RSF1: variants seen among roughly 807,000 people sequenced by gnomAD.
The protein encoded by RSF1 is remodeling and spacing factor 1, also known as HBV pX-associated protein 8.
RSF1 carries 13 observed loss-of-function variants against 145.2 expected under a neutral mutation model. The ratio of observed to expected loss-of-function variants is 0.09; its 90% confidence interval spans 0.06 to 0.14. RSF1 has a LOEUF of 0.14. Among genes scored for constraint, RSF1 ranks in the 10% least tolerant of loss-of-function variants. The pLI is 1.00. For synonymous variants in RSF1, 577 were observed against 592.6 expected (o/e 0.97, Z 0.38); for missense variants, 1,517 against 1,718.2 (o/e 0.88, Z 2.07).
chr11:77,744,870 G>A (rs377606112), intron 3 of RSF1, among the ~76,000 whole-genome samples: 15 of 152,260 alleles, frequency 9.9e-5, no homozygotes, highest in African/African-American at 3.6e-4. Context: ...CATTGAGAAG[G>A]ACTACTATTA....
chr11:77,806,778 G>C (rs1445323013), intron 1 of RSF1, among the ~76,000 whole-genome samples: 1 of 151,918 alleles, frequency 6.6e-6, no homozygotes. Context: ...AAAATTAAAT[G>C]AGTGAAAAAA....
At chr11:77,703,296 C>T (rs1243305826) in intron 5 of RSF1, 1 of 152,134 alleles carries the variant, frequency 6.6e-6, no homozygotes, top group Non-Finnish European at 1.5e-5. Context: ...TTTTAAGGAG[C>T]ACCTAATACT....
At chr11:77,679,594 GC>G (rs1959802817) in intron 11 of RSF1, among the ~76,000 whole-genome samples, 1 of 151,232 alleles carries the variant, frequency 6.6e-6, no homozygotes, top group Non-Finnish European at 1.5e-5. Flanking sequence ...GATTGCTTGA[GC>G]CCAAGAGGCA....
chr11:77,693,753 T>A, intron 7 of RSF1, 142 bp from the exon 8 acceptor site: 1 of 367,944 alleles, frequency 2.7e-6, no homozygotes, highest in Non-Finnish European at 4.9e-6. Context: ...CTCTGATGAT[T>A]AGGGATCTGA....
At chr11:77,805,786 A>C (rs554876742) in intron 1 of RSF1, among the ~76,000 whole-genome samples, 1 of 152,354 alleles carries the variant, frequency 6.6e-6, no homozygotes, top group Admixed American at 6.5e-5. Context: ...CTTATATGTA[A>C]GTTACCAGAC....
At chr11:77,756,690 T>G (rs760516807) in intron 2 of RSF1, among the ~76,000 whole-genome samples, 1 of 152,168 alleles carries the variant, frequency 6.6e-6, no homozygotes, top group Non-Finnish European at 1.5e-5. Flanking sequence ...TAACAACCCT[T>G]AGATTGAAAG....
At chr11:77,748,774 T>C (rs560680289) in intron 2 of RSF1, among the ~76,000 whole-genome samples, 113 of 152,330 alleles carry the variant, frequency 7.4e-4, no homozygotes, top group African/African-American at 2.5e-3. Flanking sequence ...AAAATGTTAA[T>C]ATTTAGCTAC....
intron 5 of RSF1, among the ~76,000 whole-genome samples, chr11:77,722,277 T>G (rs1395481380): frequency 6.6e-6 from 1 of 152,216 alleles, no homozygotes; most frequent in Non-Finnish European, 1.5e-5. Flanking sequence ...CCATTTTCTC[T>G]TAGTTGTGTT....
chr11:77,796,151 C>T (rs1051007409), intron 1 of RSF1, among the ~76,000 whole-genome samples: 1 of 152,100 alleles, frequency 6.6e-6, no homozygotes, highest in Non-Finnish European at 1.5e-5. Context: ...TCCTCCCTAA[C>T]GCATTTTATG....
chr11:77,676,690 T>C, intron 13 of RSF1, 102 bp downstream of exon 13: 3 of 889,760 alleles, frequency 3.4e-6, no homozygotes, highest in Non-Finnish European at 5.1e-6. Flanking sequence ...TCTATGTACA[T>C]GAAGAAGAAA....
intron 11 of RSF1, among the ~76,000 whole-genome samples, chr11:77,678,793 A>G (rs1004285658): frequency 6.6e-6 from 1 of 152,262 alleles, no homozygotes; most frequent in Non-Finnish European, 1.5e-5. Flanking sequence ...AACTCCCCTC[A>G]TCCCTTCCGT....
chr11:77,701,949 C>T lies in RSF1; in HGVS notation c.1280G>A (p.Arg427Lys), dbSNP rs755314415. The change falls in exon 6 of 16, where the codon AGG becomes AAG. Residue 427 changes from arginine to lysine, a missense_variant. By Grantham distance (26) the Arg-to-Lys change is conservative. Transcript: ENST00000308488. ...EIKQEEETCK[R>K]ISTITALGHE... ...ACCCAAAGCAGTGATTGTAGAGATC[C>T]TTTTACAAGTCTCTTCCTCTTGTTT... is the stretch of plus-strand genomic sequence containing the variant. 2.5e-5 allele frequency: 41 copies of T among 1,613,384 alleles called. No individual in the cohort carries two copies. The African/African-American group carries it at 5.2e-4, about 20-fold the overall frequency.
At chr11:77,740,147 G>A (rs777364515) in intron 4 of RSF1, among the ~76,000 whole-genome samples, 3 of 152,036 alleles carry the variant, frequency 2.0e-5, no homozygotes, top group Non-Finnish European at 4.4e-5. Flanking sequence ...AGGCCGAGGC[G>A]GGTAGATCAC....
At chr11:77,739,003 C>A (rs565072627) in intron 4 of RSF1, 2 of 151,516 alleles carry the variant, frequency 1.3e-5, no homozygotes, top group Non-Finnish European at 2.9e-5. Context: ...TTATCTTGAA[C>A]TCCTCTCATA....
chr11:77,704,582 C>T (rs1348175979), intron 5 of RSF1, among the ~76,000 whole-genome samples: 1 of 152,152 alleles, frequency 6.6e-6, no homozygotes, highest in Non-Finnish European at 1.5e-5. Context: ...GGTTCACTAA[C>T]ACTAATTTAG....
intron 5 of RSF1, among the ~76,000 whole-genome samples, chr11:77,715,713 G>T (rs980862278): frequency 6.6e-6 from 1 of 152,192 alleles, no homozygotes; most frequent in African/African-American, 2.4e-5. Context: ...CTCCCAAAGT[G>T]TTGGGATTAC....
intron 5 of RSF1, among the ~76,000 whole-genome samples, chr11:77,715,728 G>A (rs1449613430): frequency 2.6e-5 from 4 of 152,162 alleles, no homozygotes; most frequent in South Asian, 2.1e-4. Context: ...GATTACAGGC[G>A]TGAGCCACCA....
chr11:77,731,928 G>A (rs1000014426), intron 4 of RSF1, among the ~76,000 whole-genome samples: 3 of 152,248 alleles, frequency 2.0e-5, no homozygotes, highest in Non-Finnish European at 4.4e-5. Flanking sequence ...TGTGGGATCA[G>A]AGCCACACAG....
rs562863046 is a variant in RSF1, at chr11:77,722,455, C to G, written c.733+3090G>C. Among the ~76,000 whole-genome samples the G allele has an allele frequency of 3.3e-5, 5 of 152,264 alleles. No individual in the cohort carries two copies. In the South Asian group the frequency reaches 1.0e-3, roughly 32 times the overall value. On this transcript the variant is annotated intron_variant, in intron 5 of 15. Transcript: ENST00000308488. ...GGTCCTTGTTAAAATAGCCAATCAG[C>G]AGACAGCCAAGACCCACTCCACCAG... is the stretch of plus-strand genomic sequence containing the variant.
Sources: allele counts gnomAD v4.1 joint callset (sites outside exome capture counted in the v4.1 genomes callset), GRCh38; gene constraint gnomAD v4.1.1; transcripts MANE v1.5; gene names NCBI Gene and HGNC (gene_info 2026-07-23, HGNC 2026-07-21).